SH3RF3: variants seen among roughly 807,000 people sequenced by gnomAD.
SH3RF3 encodes SH3 domain containing ring finger 3, also known as E3 ubiquitin-protein ligase SH3RF3.
In SH3RF3, 29 loss-of-function variants were observed where a neutral mutation model predicts 66.3. The ratio of observed to expected loss-of-function variants is 0.44; its 90% CI spans 0.33 to 0.60. The LOEUF (loss-of-function observed/expected upper bound fraction) is 0.60, where lower values mean the gene tolerates loss of function less well. Among genes scored for constraint, SH3RF3 ranks in the 20% least tolerant of loss-of-function variants. The pLI, the probability that SH3RF3 is intolerant of heterozygous loss-of-function variation, is 0.04. For missense variants in SH3RF3, 1,194 were observed against 1,190.9 expected, an observed-to-expected ratio of 1.00 and a Z score of -0.04; for synonymous variants, 583 against 532.0, an observed-to-expected ratio of 1.10 and a Z score of -1.32.
intron 3 of SH3RF3, among the ~76,000 whole-genome samples, chr2:109,384,315 G>C (rs906157324): frequency 6.6e-6 from 1 of 152,218 alleles, no homozygotes; most frequent in African/African-American, 2.4e-5. Flanking sequence ...ACTCTCCGTG[G>C]AGAAAGTAAC....
In SH3RF3 at chr2:109,226,846, G is replaced by A. The variant is rs572072795; in HGVS notation, c.573+96733G>A. ...GAAATGAACCAGGACCCCTACAGCTGCAGGAGAGAAACTAACTGGAATCAG... is the reference window on the plus strand; with the variant it reads ...GAAATGAACCAGGACCCCTACAGCTACAGGAGAGAAACTAACTGGAATCAG... On this transcript the variant is annotated intron_variant, in intron 1 of 9. Coordinates refer to ENST00000309415, the MANE Select transcript of SH3RF3 (RefSeq NM_001099289.3). Among the ~76,000 whole-genome samples, 19 of 152,338 alleles carry A rather than the reference G, an allele frequency of 1.2e-4. No homozygotes were observed. The South Asian group carries it at 2.5e-3, about 20-fold the overall frequency.
At chr2:109,244,964 C>T (rs557110459) in intron 1 of SH3RF3, among the ~76,000 whole-genome samples, 1 of 152,164 alleles carries the variant, frequency 6.6e-6, no homozygotes, top group South Asian at 2.1e-4. Flanking sequence ...TGATCAGGTG[C>T]CAGTATCTCT....
intron 8 of SH3RF3, among the ~76,000 whole-genome samples, chr2:109,486,641 G>A (rs575504038): frequency 3.9e-5 from 6 of 152,288 alleles, no homozygotes; most frequent in East Asian, 1.9e-4. Context: ...GAAACAAAAC[G>A]CAGGTGGTGG....
intron 1 of SH3RF3, among the ~76,000 whole-genome samples, chr2:109,203,862 G>T (rs1261143818): frequency 6.6e-6 from 1 of 152,136 alleles, no homozygotes; most frequent in Non-Finnish European, 1.5e-5. Context: ...ACCTACCCCT[G>T]GGCCCTTCTT....
chr2:109,410,172 C>T (rs745866360), intron 4 of SH3RF3, among the ~76,000 whole-genome samples: 17 of 152,212 alleles, frequency 1.1e-4, no homozygotes, highest in Non-Finnish European at 1.8e-4. Context: ...ATCGGGGAAC[C>T]GCGGCCACAG....
chr2:109,365,917 T>G (rs1265398930), intron 2 of SH3RF3, among the ~76,000 whole-genome samples: 1 of 152,218 alleles, frequency 6.6e-6, no homozygotes, highest in African/African-American at 2.4e-5. Flanking sequence ...TTTCAACATT[T>G]AAAAAAATTT....
rs182048366 is a variant in SH3RF3, at chr2:109,302,670, G to A, written c.574-45004G>A. Among the ~76,000 whole-genome samples, 41 of 152,314 alleles carry A rather than the reference G, an allele frequency of 2.7e-4. 1 individual carries two copies. The East Asian group carries it at 7.9e-3, about 29-fold the overall frequency. On this transcript the variant is annotated intron_variant, in intron 1 of 9. Coordinates refer to ENST00000309415, the MANE Select transcript of SH3RF3 (RefSeq NM_001099289.3). Reference sequence around the variant, plus strand: ...CTGGCTCGGGATGGCGTGACCTCTGGAGTTTTCCACAGTCCTGCCATTGGA... The same window carrying A: ...CTGGCTCGGGATGGCGTGACCTCTGAAGTTTTCCACAGTCCTGCCATTGGA...
In SH3RF3 at chr2:109,322,024, T is replaced by A. The variant is rs144085489; in HGVS notation, c.574-25650T>A. Among the ~76,000 whole-genome samples the A allele has an allele frequency of 6.3e-3, 954 of 152,254 alleles. 13 individuals are homozygous for A. The highest frequency in any genetic ancestry group is 0.022 in the African/African-American group (910 of 41,528). ...ACATTTCAAGAAGTGGATGGCTCTT[T>A]TTAAAATAAGTCACCTTGGCAACTG... On this transcript the variant is annotated intron_variant, in intron 1 of 9. Transcript: ENST00000309415.
chr2:109,163,634 C>T (rs905673173), intron 1 of SH3RF3, among the ~76,000 whole-genome samples: 1 of 151,712 alleles, frequency 6.6e-6, no homozygotes, highest in Non-Finnish European at 1.5e-5. Flanking sequence ...CTCCTGACCT[C>T]GTGATCCGCC....
At chr2:109,353,819 C>T (rs1421950979) in intron 2 of SH3RF3, among the ~76,000 whole-genome samples, 2 of 152,126 alleles carry the variant, frequency 1.3e-5, no homozygotes, top group East Asian at 1.9e-4. Context: ...TGGGAGCTGC[C>T]GGCAGTGAGA....
At position 109,228,900 on chromosome 2, in the gene SH3RF3, G is replaced by A. The variant is rs1679434356; in HGVS notation, c.573+98787G>A. On this transcript the variant is annotated intron_variant, in intron 1 of 9. Coordinates refer to ENST00000309415, the MANE Select transcript of SH3RF3 (RefSeq NM_001099289.3). ...TGATTGGTTATCAACACAATATCCA[G>A]CCCCTCTGCCCTCTTTGGAGGATGG... is the stretch of plus-strand genomic sequence containing the variant. Among the ~76,000 whole-genome samples the A allele has an allele frequency of 2.0e-5, 3 of 152,170 alleles. No homozygotes were observed. In the South Asian group the frequency reaches 6.2e-4, roughly 32 times the overall value.
chr2:109,224,902 T>C (rs1679336088), intron 1 of SH3RF3, among the ~76,000 whole-genome samples: 1 of 152,172 alleles, frequency 6.6e-6, no homozygotes, highest in South Asian at 2.1e-4. Context: ...AAACTGAAAT[T>C]TAAATAATTA....
intron 1 of SH3RF3, among the ~76,000 whole-genome samples, chr2:109,282,177 C>T (rs932652777): frequency 6.6e-6 from 1 of 152,030 alleles, no homozygotes; most frequent in Non-Finnish European, 1.5e-5. Flanking sequence ...AGCTATTTTT[C>T]TTTTTATCTT....
At chr2:109,271,864 C>T (rs913784829) in intron 1 of SH3RF3, among the ~76,000 whole-genome samples, 2 of 152,220 alleles carry the variant, frequency 1.3e-5, no homozygotes, top group African/African-American at 2.4e-5. Flanking sequence ...GTATTGAATG[C>T]GGCTAGAATC....
intron 1 of SH3RF3, among the ~76,000 whole-genome samples, chr2:109,333,958 C>T (rs1436324140): frequency 3.9e-5 from 6 of 152,172 alleles, no homozygotes; most frequent in African/African-American, 1.4e-4. Flanking sequence ...GCTCAGAGTA[C>T]TTTCTGACAA....
At chr2:109,414,622 A>G (rs1676675584) in intron 4 of SH3RF3, among the ~76,000 whole-genome samples, 1 of 152,100 alleles carries the variant, frequency 6.6e-6, no homozygotes, top group African/African-American at 2.4e-5. Context: ...CTATACATAC[A>G]TGACCCCAGA....
intron 5 of SH3RF3, among the ~76,000 whole-genome samples, chr2:109,425,879 C>A (rs896004541): frequency 5.3e-5 from 8 of 152,108 alleles, no homozygotes; most frequent in African/African-American, 1.7e-4. Context: ...TTTAAAAGTA[C>A]ATCTTTTTCT....
At chr2:109,401,174 T>C (rs577797127) in intron 4 of SH3RF3, among the ~76,000 whole-genome samples, 1 of 152,334 alleles carries the variant, frequency 6.6e-6, no homozygotes, top group African/African-American at 2.4e-5. Context: ...TCACCCTGTT[T>C]GTCACCAATG....
chr2:109,210,599 T>C (rs1421959594), intron 1 of SH3RF3, among the ~76,000 whole-genome samples: 3 of 152,120 alleles, frequency 2.0e-5, no homozygotes, highest in Non-Finnish European at 4.4e-5. Context: ...GTGTGGATTG[T>C]GTCCAGCTCA....
Sources: allele counts gnomAD v4.1 joint callset (sites outside exome capture counted in the v4.1 genomes callset), GRCh38; gene constraint gnomAD v4.1.1; transcripts MANE v1.5; gene names NCBI Gene and HGNC (gene_info 2026-07-23, HGNC 2026-07-21).